The following THSD7B variants were observed in gnomAD, a reference collection of about 807,000 sequenced individuals.
THSD7B encodes thrombospondin type-1 domain-containing protein 7B.
Under a neutral mutation model 213.6 loss-of-function variants are expected in THSD7B, and 138 were observed. That is an observed-to-expected ratio of 0.65 (90% CI 0.56 to 0.74). The LOEUF is 0.74. Ranked by LOEUF, THSD7B falls within the 30% of genes least tolerant of loss-of-function variation. The pLI, the probability that THSD7B is intolerant of heterozygous loss-of-function variation, is 0.00. For missense variants in THSD7B, 1,931 were observed against 1,991.5 expected (o/e 0.97, Z 0.58); for synonymous variants, 742 against 687.0 (o/e 1.08, Z -1.25).
intron 12 of THSD7B, among the ~76,000 whole-genome samples, chr2:137,294,603 AAGAAAGG>A (rs1683413059): frequency 6.7e-6 from 1 of 150,356 alleles, no homozygotes; most frequent in East Asian, 1.9e-4. Flanking sequence ...AAAAAAAAAA[AAGAAAGG>A]GAGAGAGACC....
intron 2 of THSD7B, among the ~76,000 whole-genome samples, chr2:137,019,270 C>T (rs907341021): frequency 5.9e-5 from 9 of 152,150 alleles, no homozygotes; most frequent in Non-Finnish European, 1.3e-4. Context: ...TTATTTGAGT[C>T]TCTCTGCCAT....
At chr2:136,860,589 C>G (rs1487857383) in intron 1 of THSD7B, among the ~76,000 whole-genome samples, 1 of 152,170 alleles carries the variant, frequency 6.6e-6, no homozygotes, top group Admixed American at 6.5e-5. Flanking sequence ...CTTGATTCTT[C>G]TTTCTTACTG....
intron 2 of THSD7B, among the ~76,000 whole-genome samples, chr2:136,946,235 G>C (rs1456511403): frequency 6.6e-6 from 1 of 152,202 alleles, no homozygotes; most frequent in Non-Finnish European, 1.5e-5. Flanking sequence ...CTGCAGGTCT[G>C]TTGGAGTGTG....
intron 12 of THSD7B, among the ~76,000 whole-genome samples, chr2:137,278,817 C>T (rs187174837): frequency 2.0e-5 from 3 of 151,996 alleles, no homozygotes; most frequent in East Asian, 1.9e-4. Context: ...AGCACTTATC[C>T]GGATTCATAG....
At chr2:137,051,616 A>G (rs1219793519) in intron 2 of THSD7B, among the ~76,000 whole-genome samples, 1 of 152,170 alleles carries the variant, frequency 6.6e-6, no homozygotes, top group Admixed American at 6.6e-5. Context: ...TAAGTTGCTA[A>G]AACTCTGCAT....
rs1221975680 is a variant in THSD7B, at chr2:137,170,863, G to C, written c.1648G>C (p.Gly550Arg). Residue 550 changes from glycine (G) to arginine (R), a missense_variant, in exon 7 of 28, where the codon GGG becomes CGG. By Grantham distance (125) the Gly-to-Arg change is moderately radical. Transcript: ENST00000409968. ...GTGCTACCGATGGCTGGCATCAGAA[G>C]GGATCTGTTTCCCTGATCATGGAAA... Reference protein sequence around the residue: ...PMCYRWLASEGICFPDHGKCG... With the variant: ...PMCYRWLASERICFPDHGKCG... The C allele has an allele frequency of 6.2e-7, 1 of 1,613,478 alleles. No homozygotes were observed. Among genetic ancestry groups the C allele is most frequent in the Non-Finnish European group, 8.5e-7 (1 of 1,179,792 alleles).
chr2:136,968,042 C>T (rs1398800431), intron 2 of THSD7B, among the ~76,000 whole-genome samples: 2 of 152,014 alleles, frequency 1.3e-5, no homozygotes, highest in Non-Finnish European at 1.5e-5. Flanking sequence ...GGATTGTTTT[C>T]ATTTTTATTA....
chr2:137,435,032 T>A (rs1264282968), intron 14 of THSD7B, among the ~76,000 whole-genome samples: 3 of 152,204 alleles, frequency 2.0e-5, no homozygotes, highest in Non-Finnish European at 4.4e-5. Context: ...TTTTCTTTTT[T>A]AAAGCCTTCT....
chr2:136,918,762 T>C (rs1684386556), intron 2 of THSD7B, among the ~76,000 whole-genome samples: 1 of 152,242 alleles, frequency 6.6e-6, no homozygotes, highest in Non-Finnish European at 1.5e-5. Flanking sequence ...TTTCCAGAAG[T>C]ACAACTTTAA....
chr2:137,670,431 T>C (rs1683537366), intron 27 of THSD7B, among the ~76,000 whole-genome samples: 1 of 152,136 alleles, frequency 6.6e-6, no homozygotes, highest in Non-Finnish European at 1.5e-5. Context: ...TGGTGTGTTG[T>C]ATAGGTCCAA....
intron 7 of THSD7B, among the ~76,000 whole-genome samples, chr2:137,219,715 ACTTCT>A (rs1414848612): frequency 6.6e-6 from 1 of 152,178 alleles, no homozygotes; most frequent in Non-Finnish European, 1.5e-5. Context: ...CTTTCCCTTT[ACTTCT>A]CATTTACTTC....
intron 2 of THSD7B, among the ~76,000 whole-genome samples, chr2:137,034,456 G>C (rs980721385): frequency 6.6e-6 from 1 of 152,066 alleles, no homozygotes; most frequent in Non-Finnish European, 1.5e-5. Flanking sequence ...TGGGATACAT[G>C]TCCTGAACAT....
At chr2:137,255,245 C>T (rs1465594945) in intron 10 of THSD7B, among the ~76,000 whole-genome samples, 1 of 152,134 alleles carries the variant, frequency 6.6e-6, no homozygotes, top group Non-Finnish European at 1.5e-5. Context: ...ACAGGCTTTC[C>T]TACCTGGCCA....
chr2:137,351,426 G>C (rs1685011737), intron 12 of THSD7B, among the ~76,000 whole-genome samples: 1 of 151,896 alleles, frequency 6.6e-6, no homozygotes, highest in African/African-American at 2.4e-5. Flanking sequence ...GGTTTCTAAA[G>C]CATCAGTTTA....
chr2:137,590,584 T>A (rs970146446), intron 17 of THSD7B, among the ~76,000 whole-genome samples: 2 of 152,048 alleles, frequency 1.3e-5, no homozygotes, highest in South Asian at 2.1e-4. Context: ...ATATTAGACA[T>A]CTTTATTTTT....
chr2:137,427,342 G>A (rs566241263), intron 14 of THSD7B, among the ~76,000 whole-genome samples: 40 of 152,128 alleles, frequency 2.6e-4, no homozygotes, highest in African/African-American at 8.2e-4. Flanking sequence ...TCAAAGAGAC[G>A]TCTGCACTCC....
intron 12 of THSD7B, among the ~76,000 whole-genome samples, chr2:137,314,493 T>C (rs1053815678): frequency 3.3e-5 from 5 of 152,230 alleles, no homozygotes; most frequent in African/African-American, 1.2e-4. Flanking sequence ...GTCTGAAGCC[T>C]TCTTCTCTCA....
chr2:137,665,872 AG>A (rs1341414710), intron 26 of THSD7B, among the ~76,000 whole-genome samples: 2 of 151,972 alleles, frequency 1.3e-5, no homozygotes, highest in Non-Finnish European at 2.9e-5. Flanking sequence ...TATATTGTTT[AG>A]TGAAAGAAAA....
At chr2:137,288,378 T>C (rs1034981568) in intron 12 of THSD7B, among the ~76,000 whole-genome samples, 1 of 152,112 alleles carries the variant, frequency 6.6e-6, no homozygotes, top group Non-Finnish European at 1.5e-5. Flanking sequence ...ATTTAAAACC[T>C]ACTAGAGTCT....
Sources: allele counts gnomAD v4.1 joint callset (sites outside exome capture counted in the v4.1 genomes callset), GRCh38; gene constraint gnomAD v4.1.1; transcripts MANE v1.5; gene names NCBI Gene and HGNC (gene_info 2026-07-23, HGNC 2026-07-21).